The following ZFYVE9 variants were observed in gnomAD, a reference collection of about 807,000 sequenced individuals.
The protein encoded by ZFYVE9 is zinc finger FYVE-type containing 9.
In ZFYVE9, 43 loss-of-function variants were observed where a neutral mutation model predicts 126.7. That is an observed-to-expected ratio of 0.34 (90% CI 0.27 to 0.44). The LOEUF (loss-of-function observed/expected upper bound fraction) is 0.44. Among genes scored for constraint, ZFYVE9 ranks in the 20% least tolerant of loss-of-function variants. The pLI is 1.00. For missense variants in ZFYVE9, 1,476 were observed against 1,697.0 expected (o/e 0.87, Z 2.29); for synonymous variants, 521 against 597.4 (o/e 0.87, Z 1.87).
intron 15 of ZFYVE9, among the ~76,000 whole-genome samples, 183 bp from the exon 16 acceptor site, chr1:52,337,589 G>A (rs1232311520): frequency 6.6e-6 from 1 of 152,244 alleles, no homozygotes. Context: ...ACAAGCATGT[G>A]TTTTAATCTT....
chr1:52,255,220 A>G (rs1242400009), intron 4 of ZFYVE9, among the ~76,000 whole-genome samples: 1 of 152,198 alleles, frequency 6.6e-6, no homozygotes, highest in African/African-American at 2.4e-5. Context: ...ATGCAAGCTT[A>G]TGCTTTGTTT....
chr1:52,187,092 A>G (rs1644772375), intron 1 of ZFYVE9, among the ~76,000 whole-genome samples: 1 of 152,140 alleles, frequency 6.6e-6, no homozygotes, highest in Non-Finnish European at 1.5e-5. Flanking sequence ...AGTAACCAAA[A>G]CAGCATGGTA....
At position 52,181,805 on chromosome 1, in the gene ZFYVE9, G is replaced by C. The variant is rs540243084; in HGVS notation, c.-142-34564G>C. Reference sequence around the variant, plus strand: ...GTCTGGGAGGTGAGGAGCGTCTCTGGCTGGCCGCCCCGTCTGAGAAGCGAG... The same window carrying C: ...GTCTGGGAGGTGAGGAGCGTCTCTGCCTGGCCGCCCCGTCTGAGAAGCGAG... On this transcript the variant is annotated intron_variant, in intron 1 of 18. Coordinates refer to ENST00000287727, the MANE Select transcript of ZFYVE9 (RefSeq NM_004799.4). Among the ~76,000 whole-genome samples the C allele has an allele frequency of 4.8e-3, 723 of 150,924 alleles. 6 individuals are homozygous for C. The highest frequency in any genetic ancestry group is 0.017 in the African/African-American group (693 of 40,944).
intron 13 of ZFYVE9, among the ~76,000 whole-genome samples, chr1:52,310,450 TATA>T (rs1646127195): frequency 6.6e-6 from 1 of 150,710 alleles, no homozygotes; most frequent in East Asian, 2.0e-4. Context: ...AGTGAATGTG[TATA>T]GTCCTAGGTA....
chr1:52,321,270 A>G (rs1395701023), intron 13 of ZFYVE9, among the ~76,000 whole-genome samples: 3 of 152,220 alleles, frequency 2.0e-5, no homozygotes. Context: ...AGCACTGGCG[A>G]GAACAGATGG....
intron 1 of ZFYVE9, among the ~76,000 whole-genome samples, chr1:52,200,071 G>T: frequency 6.7e-6 from 1 of 148,930 alleles, no homozygotes. Flanking sequence ...TGTACATTTT[G>T]GATAATAGAC....
At chr1:52,340,067 GA>G in intron 16 of ZFYVE9, 58 bp from the exon 17 acceptor site, 2 of 1,429,166 alleles carry the variant, frequency 1.4e-6, no homozygotes, top group Admixed American at 1.7e-5. Context: ...AACGTGATAG[GA>G]AAAATGGCTT....
At chr1:52,269,251 T>A (rs1645664077) in intron 7 of ZFYVE9, among the ~76,000 whole-genome samples, 1 of 152,092 alleles carries the variant, frequency 6.6e-6, no homozygotes, top group South Asian at 2.1e-4. Context: ...TGCCTCAGCC[T>A]CCAAAGTAGG....
At position 52,305,109 on chromosome 1, in the gene ZFYVE9, A is replaced by G. The variant is rs1186785742; in HGVS notation, c.3438+1184A>G. Among the ~76,000 whole-genome samples, 2 of 152,238 alleles carry G rather than the reference A, an allele frequency of 1.3e-5. 1 individual carries two copies. The highest frequency in any genetic ancestry group is 1.3e-4 in the Admixed American group (2 of 15,284). On this transcript the variant is annotated intron_variant, in intron 13 of 18. Transcript: ENST00000287727. Reference sequence around the variant, plus strand: ...TCTATTTCACAAACATGTATTAAATATATTCTGTGATTTGAAATATAAAGA... The same window carrying G: ...TCTATTTCACAAACATGTATTAAATGTATTCTGTGATTTGAAATATAAAGA...
At chr1:52,252,232 C>G (rs888155655) in intron 4 of ZFYVE9, 2 of 154,518 alleles carry the variant, frequency 1.3e-5, no homozygotes, top group African/African-American at 4.8e-5. Flanking sequence ...TCCATTTTGT[C>G]GTTTCGGGTT....
intron 1 of ZFYVE9, chr1:52,179,786 A>G: frequency 2.0e-6 from 1 of 498,886 alleles, no homozygotes; most frequent in Non-Finnish European, 3.7e-6. Flanking sequence ...GATAGGCTAA[A>G]TAAAAAGGAT....
intron 13 of ZFYVE9, among the ~76,000 whole-genome samples, chr1:52,330,128 C>T (rs1041895888): frequency 6.6e-6 from 1 of 152,210 alleles, no homozygotes; most frequent in East Asian, 1.9e-4. Flanking sequence ...CCTATAATCC[C>T]AGCACTTTGG....
intron 14 of ZFYVE9, among the ~76,000 whole-genome samples, chr1:52,333,809 AGC>A (rs796939016): frequency 2.2e-4 from 31 of 137,826 alleles, no homozygotes; most frequent in African/African-American, 1.0e-3. Context: ...AAAAAAAAAA[AGC>A]AGGGCATGGT....
intron 15 of ZFYVE9, among the ~76,000 whole-genome samples, chr1:52,336,809 T>C (rs762365012): frequency 3.3e-5 from 5 of 152,110 alleles, no homozygotes; most frequent in Non-Finnish European, 7.4e-5. Flanking sequence ...GAGCTGGGCA[T>C]GGTGGCATAC....
At chr1:52,293,422 C>G in intron 10 of ZFYVE9, 31 bp from the exon 11 acceptor site, 1 of 852,902 alleles carries the variant, frequency 1.2e-6, no homozygotes. Flanking sequence ...TTTATTGATA[C>G]AAAGTAGCTA....
intron 13 of ZFYVE9, among the ~76,000 whole-genome samples, chr1:52,323,053 C>T (rs1646256485): frequency 6.6e-6 from 1 of 152,214 alleles, no homozygotes; most frequent in Admixed American, 6.5e-5. Flanking sequence ...ATCCGCCCAT[C>T]TTGGCCTCCC....
rs572708368 is a variant in ZFYVE9, at chr1:52,274,825, G to T, written c.2746+241G>T. On this transcript the variant is annotated intron_variant, in intron 8 of 18. Coordinates refer to ENST00000287727, the MANE Select transcript of ZFYVE9 (RefSeq NM_004799.4). ...TAATATTACTTATAATGTAAATGTA[G>T]TTTATTAGCAGTTTTTAAAAATATT... Among the ~76,000 whole-genome samples the T allele has an allele frequency of 5.3e-5, 8 of 149,562 alleles. No homozygotes were observed. The East Asian group carries it at 2.0e-3, about 37-fold the overall frequency.
rs1301273276 is a variant in ZFYVE9 at position 52,268,642 on chromosome 1, C to T, written c.2625+10C>T. The T allele has an allele frequency of 6.2e-7, 1 of 1,611,106 alleles. No individual in the cohort carries two copies. Among genetic ancestry groups the T allele is most frequent in the African/African-American group, 1.3e-5 (1 of 74,850 alleles). ...TCCTCTACCAGCAGAGGTAAGAAAA[C>T]AAAACAGCAACTAAAATTGCATAGC... On this transcript the variant is annotated intron_variant, in intron 7 of 18. Coordinates refer to ENST00000287727, the MANE Select transcript of ZFYVE9 (RefSeq NM_004799.4).
At chr1:52,180,167 G>C (rs1308834356) in intron 1 of ZFYVE9, 1 of 1,332,778 alleles carries the variant, frequency 7.5e-7, no homozygotes. Flanking sequence ...AAGCCAGTGA[G>C]GGTTTGTGGG....
Sources: allele counts gnomAD v4.1 joint callset (sites outside exome capture counted in the v4.1 genomes callset), GRCh38; gene constraint gnomAD v4.1.1; transcripts MANE v1.5; gene names NCBI Gene and HGNC (gene_info 2026-07-23, HGNC 2026-07-21).